POGZ: variants seen among roughly 807,000 people sequenced by gnomAD.
POGZ encodes pogo transposable element derived with ZNF domain.
In POGZ, 17 loss-of-function variants were observed where a neutral mutation model predicts 134.6. The observed-to-expected ratio is 0.13, with a 90% CI of 0.09 to 0.19. The LOEUF (loss-of-function observed/expected upper bound fraction) is 0.19. Among genes scored for constraint, POGZ ranks in the 10% least tolerant of loss-of-function variants. POGZ has a pLI of 1.00. For missense variants in POGZ, 1,306 were observed against 1,769.7 expected (o/e 0.74, Z 4.70); for synonymous variants, 693 against 657.1 (o/e 1.05, Z -0.84).
rs1263039762 is a variant in POGZ at position 151,405,379 on chromosome 1, C to T, written c.3656G>A (p.Cys1219Tyr). 1 of 1,613,952 alleles carries T rather than the reference C, an allele frequency of 6.2e-7. No homozygotes were observed. The highest frequency in any genetic ancestry group is 8.5e-7 in the Non-Finnish European group (1 of 1,179,872). The change falls in exon 19 of 19, where the codon TGC becomes TAC. Residue 1219 changes from cysteine to tyrosine, a missense_variant. By Grantham distance (194) the Cys-to-Tyr change is radical. Coordinates refer to ENST00000271715, the MANE Select transcript of POGZ (RefSeq NM_015100.4). The surrounding 1 kb of genome is among the most constrained non-coding windows in gnomAD (Gnocchi z 4.9). ...STRVWQKHTA[C>Y]QRSKGMLVMD... is the part of the protein sequence containing the mutation. ...CACAAGCATGCCTTTGCTGCGCTGG[C>T]AAGCTGTGTGCTTCTGCCACACTCG... is the stretch of plus-strand genomic sequence containing the variant.
At chr1:151,415,989 G>A (rs981864542) in intron 10 of POGZ, among the ~76,000 whole-genome samples, 11 of 151,798 alleles carry the variant, frequency 7.2e-5, no homozygotes, top group Admixed American at 2.6e-4. Context: ...AGAGGCAGGC[G>A]GATCATCTGA....
rs147721797 is a variant in POGZ, at chr1:151,410,004, G to A, written c.1927-1176C>T. On this transcript the variant is annotated intron_variant, in intron 12 of 18. Transcript: ENST00000271715. ...TGGTAGACAATCAGCAGTCACTACT[G>A]TGCAAAGGAGACTATGAGTGTAATA... is the stretch of plus-strand genomic sequence containing the variant. Among the ~76,000 whole-genome samples the A allele has an allele frequency of 2.6e-3, 399 of 152,328 alleles. 2 individuals carry two copies. Among genetic ancestry groups the A allele is most frequent in the African/African-American group, 9.1e-3 (377 of 41,580 alleles).
In POGZ at chr1:151,406,480, G is replaced by A. The variant is rs370097822; in HGVS notation, c.2571-16C>T. On this transcript the variant is annotated splice_polypyrimidine_tract_variant and intron_variant, in intron 18 of 18. Transcript: ENST00000271715. ...CTGGCCATGCCTAAAGGGGTGAGGA[G>A]CAAAGAGAAGAGGAGAAATCTCAGT... 2.6e-6 allele frequency: 4 copies of A among 1,555,046 alleles called. No homozygotes were observed. Among genetic ancestry groups the A allele is most frequent in the African/African-American group, 2.8e-5 (2 of 72,376 alleles).
At position 151,430,904 on chromosome 1, in the gene POGZ, CTTTATTTTATTTTATTTTAT is replaced by C. The variant is rs60227751; in HGVS notation, c.284-83_284-64del. ...GAAACAATGTTAAACCCACATTTTA[CTTTATTTTATTTTATTTTAT>C]TTTATTTTATTTTATTTTATTTTAT... is the stretch of plus-strand genomic sequence containing the variant. On this transcript the variant is annotated intron_variant, in intron 3 of 18. Coordinates refer to ENST00000271715, the MANE Select transcript of POGZ (RefSeq NM_015100.4). 1,541 of 426,462 alleles carry C rather than the reference CTTTATTTTATTTTATTTTAT, an allele frequency of 3.6e-3. 45 individuals are homozygous for C. Among genetic ancestry groups the C allele is most frequent in the African/African-American group, 0.019 (848 of 45,046 alleles). The allele number at this position is 426,462 out of a possible 1,614,324, so 26.4% of individuals were successfully genotyped here. A position where few individuals can be genotyped will look rare whatever the true frequency, so the allele number is the denominator to read the frequency against.
At position 151,406,238 on chromosome 1, in the gene POGZ, C is replaced by A; in HGVS notation, c.2797G>T (p.Ala933Ser). 1 of 1,614,086 alleles carries A rather than the reference C, an allele frequency of 6.2e-7. No individual in the cohort carries two copies. The highest frequency in any genetic ancestry group is 8.5e-7 in the Non-Finnish European group (1 of 1,180,002). Residue 933 changes from alanine (A) to serine (S), a missense_variant, in exon 19 of 19, where the codon GCT becomes TCT. Ala to Ser is a moderately conservative substitution (Grantham distance 99, BLOSUM62 1). This residue lies in a region of POGZ where 214 missense variants were observed against 255.5 expected (regional missense o/e 0.84). Coordinates refer to ENST00000271715, the MANE Select transcript of POGZ (RefSeq NM_015100.4). ...HPQALALPPL[A>S]TEGAECLNVD... ...TTCAGACATTCGGCTCCCTCTGTAGCCAGCGGTGGAAGGGCTAAAGCCTGC... is the reference window on the plus strand; with the variant it reads ...TTCAGACATTCGGCTCCCTCTGTAGACAGCGGTGGAAGGGCTAAAGCCTGC...
intron 10 of POGZ, among the ~76,000 whole-genome samples, chr1:151,420,451 C>T (rs890692471): frequency 1.3e-5 from 2 of 152,038 alleles, no homozygotes; most frequent in African/African-American, 2.4e-5. Flanking sequence ...TGAGTAGCTA[C>T]GACTATAGGC....
chr1:151,457,875 AGAG>A (rs1489121354), intron 1 of POGZ, among the ~76,000 whole-genome samples: 1 of 151,714 alleles, frequency 6.6e-6, no homozygotes, highest in Non-Finnish European at 1.5e-5. Context: ...TGCAGTGAGC[AGAG>A]ATCGTGCCAC....
At chr1:151,433,325 A>C (rs1659025639) in intron 3 of POGZ, among the ~76,000 whole-genome samples, 1 of 152,158 alleles carries the variant, frequency 6.6e-6, no homozygotes, top group Non-Finnish European at 1.5e-5. Flanking sequence ...TTTTCCAAAA[A>C]GGCTGGGCAA....
chr1:151,425,826 C>CAA (rs1657675750), intron 7 of POGZ, among the ~76,000 whole-genome samples: 1 of 152,184 alleles, frequency 6.6e-6, no homozygotes, highest in Non-Finnish European at 1.5e-5. Flanking sequence ...CATAGGTGTA[C>CAA]AAATACCTGT....
chr1:151,417,339 T>C (rs1402014722), intron 10 of POGZ, among the ~76,000 whole-genome samples: 4 of 147,026 alleles, frequency 2.7e-5, no homozygotes, highest in African/African-American at 7.6e-5. Context: ...TGGGATTACA[T>C]GCATGAGGCT....
intron 3 of POGZ, among the ~76,000 whole-genome samples, chr1:151,432,848 C>T (rs949532918): frequency 6.6e-6 from 1 of 152,122 alleles, no homozygotes; most frequent in Non-Finnish European, 1.5e-5. Context: ...AATACCCAGT[C>T]AAAATTCAAA....
intron 10 of POGZ, among the ~76,000 whole-genome samples, chr1:151,412,814 A>G (rs1654894113): frequency 6.6e-6 from 1 of 152,068 alleles, no homozygotes; most frequent in Non-Finnish European, 1.5e-5. Flanking sequence ...TCACTTCTCT[A>G]TACTTATAAT....
Position 151,427,939 on chromosome 1 carries a change from A to C in POGZ, c.962T>G (p.Val321Gly). 6.2e-7 allele frequency: 1 copy of C among 1,614,076 alleles called. No homozygotes were observed. The highest frequency in any genetic ancestry group is 8.5e-7 in the Non-Finnish European group (1 of 1,180,004). ...GENSNEVAKL[V>G]NTLNTIPSLG... ...GGAAGGGATGGTGTTAAGGGTATTC[A>C]CCAATTTGGCCACTTCATTGCTATT... Residue 321 changes from valine (V) to glycine (G), a missense_variant, in exon 7 of 19, where the codon GTG (valine) becomes GGG (glycine). This residue lies in a region of POGZ where 541 missense variants were observed against 680.5 expected (regional missense o/e 0.80). Transcript: ENST00000271715.
At chr1:151,443,970 C>G (rs956317068) in intron 1 of POGZ, among the ~76,000 whole-genome samples, 3 of 152,156 alleles carry the variant, frequency 2.0e-5, no homozygotes, top group Non-Finnish European at 4.4e-5. Context: ...CCTAACCATT[C>G]TGTTTATTGA....
At chr1:151,457,525 C>G (rs1369911560) in intron 1 of POGZ, among the ~76,000 whole-genome samples, 3 of 152,224 alleles carry the variant, frequency 2.0e-5, no homozygotes, top group African/African-American at 7.2e-5. Context: ...ATTCAGAGTT[C>G]AAGCTCTCAG....
At chr1:151,452,491 C>T (rs895860606) in intron 1 of POGZ, among the ~76,000 whole-genome samples, 1 of 151,944 alleles carries the variant, frequency 6.6e-6, no homozygotes, top group Non-Finnish European at 1.5e-5. Flanking sequence ...GTTGTCACTA[C>T]AGGTGGGCTA....
chr1:151,407,026 A>G lies in POGZ; in HGVS notation c.2433-3T>C, dbSNP rs745815582. ...AAGTGCAGGCCAGCTTGATTCCACT[A>G]AAAAAGAGAATTGAGACTATGTAAG... On this transcript the variant is annotated splice_polypyrimidine_tract_variant and splice_region_variant and intron_variant, in intron 16 of 18. Coordinates refer to ENST00000271715, the MANE Select transcript of POGZ (RefSeq NM_015100.4). 60 of 1,607,936 alleles carry G rather than the reference A, an allele frequency of 3.7e-5. No homozygotes were observed. In the Admixed American group the frequency reaches 9.5e-4, roughly 25 times the overall value.
rs565379628 is a variant in POGZ at position 151,428,102 on chromosome 1, T to C, written c.859+21A>G. The stretch of plus-strand genomic sequence containing the variant: ...CCACCATCCCAACCTGGCTCTGCCA[T>C]CTCCTCTTCCGAAGCCTTACCTAGC... On this transcript the variant is annotated intron_variant, in intron 6 of 18. Coordinates refer to ENST00000271715, the MANE Select transcript of POGZ (RefSeq NM_015100.4). 1.3e-5 allele frequency: 21 copies of C among 1,613,596 alleles called. No homozygotes were observed. Among genetic ancestry groups the C allele is most frequent in the Admixed American group, 6.7e-5 (4 of 60,010 alleles).
rs765259662 is a variant in POGZ at position 151,423,491 on chromosome 1, A to G, written c.1584T>C (p.Gly528=). 6.2e-7 allele frequency: 1 copy of G among 1,613,796 alleles called. No individual in the cohort carries two copies. Among genetic ancestry groups the G allele is most frequent in the East Asian group, 2.2e-5 (1 of 44,888 alleles). ...GGTAACAGTGCTGGCAGATAGTGTG[A>G]CCATCTACCTCACCGTTCTGCTGAT... ...ELDQQNGEVD[G]HTICQHCYRQ... Residue 528 remains glycine (G), a synonymous_variant, in exon 10 of 19, where the codon GGT becomes GGC. Coordinates refer to ENST00000271715, the MANE Select transcript of POGZ (RefSeq NM_015100.4).
Sources: gnomAD v4.1 joint callset for allele counts (sites outside exome capture counted in the v4.1 genomes callset) on GRCh38, gnomAD v4.1.1 for gene constraint, gnomAD v4.1.1 regional missense constraint, Gnocchi (gnomAD v3.1) non-coding constraint, MANE v1.5 for transcripts, NCBI Gene and HGNC (gene_info 2026-07-23, HGNC 2026-07-21) for gene names.